The following C1QTNF3 variants were observed in gnomAD, a reference collection of about 807,000 sequenced individuals.
The protein encoded by C1QTNF3 is C1q and TNF related 3.
Under a neutral mutation model 32.6 loss-of-function variants are expected in C1QTNF3, and 26 were observed. That is an observed-to-expected ratio of 0.80 (90% CI 0.58 to 1.11). The LOEUF (loss-of-function observed/expected upper bound fraction) is 1.11. Ranked by LOEUF, C1QTNF3 falls within the 50% of genes least tolerant of loss-of-function variation. The pLI, the probability that C1QTNF3 is intolerant of heterozygous loss-of-function variation, is 0.00. For synonymous variants in C1QTNF3, 155 were observed against 146.0 expected, an observed-to-expected ratio of 1.06 and a Z score of -0.44; for missense variants, 362 against 398.2, an observed-to-expected ratio of 0.91 and a Z score of 0.77.
At chr5:34,176,804 C>T in the C1QTNF3 span, among the ~76,000 whole-genome samples, 1 of 151,956 alleles carries the variant, frequency 6.6e-6, no homozygotes, top group African/African-American at 2.4e-5. Context: ...CTGTGGTGAG[C>T]TGTGTTTGCA....
At chr5:34,020,915 C>CTA (rs1754313241) in intron 5 of C1QTNF3, among the ~76,000 whole-genome samples, 173 bp from the exon 6 acceptor site, 1 of 152,180 alleles carries the variant, frequency 6.6e-6, no homozygotes. Flanking sequence ...TGGCTAGTAA[C>CTA]ACTCTCACAA....
the C1QTNF3 span, chr5:34,169,226 T>G: frequency 6.6e-6 from 1 of 152,166 alleles, no homozygotes; most frequent in Non-Finnish European, 1.5e-5. Flanking sequence ...CACAAACGAA[T>G]TAACACAATT....
chr5:34,123,151 C>A, the C1QTNF3 span, among the ~76,000 whole-genome samples: 4 of 152,178 alleles, frequency 2.6e-5, no homozygotes, highest in South Asian at 6.2e-4. Flanking sequence ...GATGGGCCCA[C>A]CTCAGAGAAC....
the C1QTNF3 span, among the ~76,000 whole-genome samples, chr5:34,133,414 G>C: frequency 6.6e-6 from 1 of 152,088 alleles, no homozygotes; most frequent in African/African-American, 2.4e-5. Context: ...TCAGATGCCA[G>C]TATGATCTAG....
the C1QTNF3 span, among the ~76,000 whole-genome samples, chr5:34,050,957 T>C: frequency 1.3e-5 from 2 of 152,228 alleles, no homozygotes; most frequent in Admixed American, 6.5e-5. Flanking sequence ...AAGTGAGTTC[T>C]AGTCACAGGA....
chr5:34,102,922 GTA>G, the C1QTNF3 span, among the ~76,000 whole-genome samples: 57,646 of 146,010 alleles, frequency 0.39, 4,921 homozygotes, highest in Non-Finnish European at 0.47. Context: ...CATGGCACAT[GTA>G]TACATATGTA....
chr5:34,124,220 A>G, the C1QTNF3 span: 5 of 453,988 alleles, frequency 1.1e-5, no homozygotes, highest in East Asian at 1.7e-4. Flanking sequence ...AGCCCTTTGT[A>G]TAAAGATGGC....
chr5:34,180,616 G>A, the C1QTNF3 span, among the ~76,000 whole-genome samples: 2,074 of 130,884 alleles, frequency 0.016, no homozygotes, highest in Admixed American at 0.038. Flanking sequence ...CGATTGGAGA[G>A]TCAGGGACAG....
rs1312544763 is a variant in C1QTNF3 at position 34,035,752 on chromosome 5, G to T, written c.310C>A (p.Gln104Lys). 6.2e-7 allele frequency: 1 copy of T among 1,610,894 alleles called. No individual in the cohort carries two copies. The highest frequency in any genetic ancestry group is 8.5e-7 in the Non-Finnish European group (1 of 1,178,274). Residue 104 changes from glutamine to lysine, a missense_variant, in exon 2 of 6, where the codon CAA becomes AAA. Physicochemically the swap from Gln to Lys is moderately conservative, Grantham distance 53. Transcript: ENST00000382065. ...QITTFWGQSP[Q>K]TGGLPPDCSK... ...CAGTCTGGGGGTAGTCCTCCGGTTT[G>T]TGGAGACTAAAAAGACAGAAAGAGA...
At chr5:34,132,433 ATG>A in the C1QTNF3 span, among the ~76,000 whole-genome samples, 8 of 33,892 alleles carry the variant, frequency 2.4e-4, no homozygotes, top group Non-Finnish European at 4.0e-4. Context: ...GTGTATGTGT[ATG>A]TATATATATA....
intron 3 of C1QTNF3, among the ~76,000 whole-genome samples, chr5:34,030,917 C>A (rs571248766): frequency 6.6e-6 from 1 of 152,100 alleles, no homozygotes; most frequent in Non-Finnish European, 1.5e-5. Flanking sequence ...GAACAACACA[C>A]ACTGGGGCCT....
chr5:34,067,046 G>C, the C1QTNF3 span, among the ~76,000 whole-genome samples: 5 of 152,118 alleles, frequency 3.3e-5, no homozygotes, highest in Non-Finnish European at 7.3e-5. Flanking sequence ...TAGGGCAGGG[G>C]CAAAATGCCA....
intron 3 of C1QTNF3, among the ~76,000 whole-genome samples, chr5:34,031,102 A>G (rs1754602352): frequency 6.6e-6 from 1 of 152,198 alleles, no homozygotes. Flanking sequence ...AAAAAAAAAG[A>G]AAAGAAAAGA....
At chr5:34,074,983 ATTGT>A in the C1QTNF3 span, among the ~76,000 whole-genome samples, 79 of 151,894 alleles carry the variant, frequency 5.2e-4, 6 homozygotes, top group African/African-American at 1.8e-3. Context: ...TATTCATGTA[ATTGT>A]TTGTCTGCAT....
chr5:34,050,045 T>G, the C1QTNF3 span, among the ~76,000 whole-genome samples: 1 of 151,894 alleles, frequency 6.6e-6, no homozygotes, highest in Admixed American at 6.6e-5. Context: ...CTCAGGAGAG[T>G]TGAGAACATT....
At chr5:34,217,707 G>C in the C1QTNF3 span, among the ~76,000 whole-genome samples, 4 of 152,220 alleles carry the variant, frequency 2.6e-5, no homozygotes, top group South Asian at 8.3e-4. Flanking sequence ...ATGAGACCAT[G>C]AACACTGGAA....
chr5:34,091,450 CTTCT>C, the C1QTNF3 span, among the ~76,000 whole-genome samples: 5 of 152,234 alleles, frequency 3.3e-5, no homozygotes, highest in African/African-American at 4.8e-5. Flanking sequence ...CCTTCTTTCT[CTTCT>C]TTCATTTTGT....
the C1QTNF3 span, among the ~76,000 whole-genome samples, chr5:34,196,209 C>T: frequency 4.6e-5 from 7 of 152,374 alleles, no homozygotes; most frequent in East Asian, 1.4e-3. Flanking sequence ...TACAGTGGTG[C>T]GATCATGGCT....
At chr5:34,102,128 CAAT>C in the C1QTNF3 span, among the ~76,000 whole-genome samples, 1 of 150,090 alleles carries the variant, frequency 6.7e-6, no homozygotes, top group Non-Finnish European at 1.5e-5. Context: ...TCTAATGTAA[CAAT>C]GTTTACTCAC....
Sources: gnomAD v4.1 joint callset for allele counts (sites outside exome capture counted in the v4.1 genomes callset) on GRCh38, gnomAD v4.1.1 for gene constraint, MANE v1.5 for transcripts, NCBI Gene and HGNC (gene_info 2026-07-23, HGNC 2026-07-21) for gene names.